METTL2B: variants seen among roughly 807,000 people sequenced by gnomAD.
METTL2B encodes methyltransferase 2B, tRNA N3-cytidine.
METTL2B carries 28 observed loss-of-function variants against 51.0 expected under a neutral mutation model. The ratio of observed to expected loss-of-function variants is 0.55; its 90% CI spans 0.41 to 0.75. The LOEUF is 0.75. Ranked by LOEUF, METTL2B falls within the 30% of genes least tolerant of loss-of-function variation. The pLI, the probability that METTL2B is intolerant of heterozygous loss-of-function variation, is 0.00. For synonymous variants in METTL2B, 128 were observed against 166.3 expected, an observed-to-expected ratio of 0.77 and a Z score of 1.77; for missense variants, 313 against 460.7, an observed-to-expected ratio of 0.68 and a Z score of 2.93.
At chr7:128,477,856 C>G (rs767579730) in intron 2 of METTL2B, 9 of 365,526 alleles carry the variant, frequency 2.5e-5, no homozygotes, top group Non-Finnish European at 5.2e-5. Context: ...ACAAAACATT[C>G]ACCCTGCATA....
At chr7:128,489,445 A>G (rs1276286629) in intron 5 of METTL2B, among the ~76,000 whole-genome samples, 4 of 151,828 alleles carry the variant, frequency 2.6e-5, no homozygotes, top group African/African-American at 9.7e-5. Context: ...CAAAAAAAAA[A>G]AAGGGAGAAA....
rs367839870 is a variant in METTL2B, at chr7:128,476,755, G to A, written c.-11G>A. 200 of 1,613,126 alleles carry A rather than the reference G, an allele frequency of 1.2e-4. No individual in the cohort carries two copies. Among genetic ancestry groups the A allele is most frequent in the Non-Finnish European group, 1.6e-4 (189 of 1,179,612 alleles). On this transcript the variant is annotated 5_prime_UTR_variant, in exon 1 of 9. Transcript: ENST00000262432. ...CGTTACGGAAAGTGAAGTGTTTCCG[G>A]CTCCGGTGTCATGGCCGGCTCCTAC...
At chr7:128,477,704 GCCC>G (rs1009633546) in intron 2 of METTL2B, among the ~76,000 whole-genome samples, 11 of 151,628 alleles carry the variant, frequency 7.3e-5, no homozygotes, top group African/African-American at 2.7e-4. Flanking sequence ...AGAAAAGGAG[GCCC>G]CTGCTTGAGA....
At chr7:128,497,999 G>A (rs1275362400) in intron 6 of METTL2B, 37 bp from the exon 7 acceptor site, 20 of 1,607,778 alleles carry the variant, frequency 1.2e-5, no homozygotes, top group Non-Finnish European at 1.7e-5. Context: ...TGTCTTTAAG[G>A]AGACCTGATT....
At chr7:128,485,817 T>A (rs1268483947) in intron 4 of METTL2B, among the ~76,000 whole-genome samples, 1 of 152,010 alleles carries the variant, frequency 6.6e-6, no homozygotes, top group Non-Finnish European at 1.5e-5. Context: ...GTCTCAAAAA[T>A]CAATAAAACA....
chr7:128,492,361 T>A (rs1385795167), intron 5 of METTL2B, among the ~76,000 whole-genome samples: 1 of 152,040 alleles, frequency 6.6e-6, no homozygotes, highest in Non-Finnish European at 1.5e-5. Context: ...TTTCACCATG[T>A]TGGCCAGGCT....
chr7:128,485,672 A>AG (rs1792688987), intron 4 of METTL2B, among the ~76,000 whole-genome samples: 1 of 151,284 alleles, frequency 6.6e-6, no homozygotes, highest in African/African-American at 2.4e-5. Flanking sequence ...TCTCAAAAAA[A>AG]AAAAAAAAAA....
Position 128,477,107 on chromosome 7 carries a change from C to T in METTL2B, c.136C>T (p.Gln46Ter). The T allele has an allele frequency of 2.5e-6, 4 of 1,614,076 alleles. No individual in the cohort carries two copies. Among genetic ancestry groups the T allele is most frequent in the Non-Finnish European group, 3.4e-6 (4 of 1,179,986 alleles). ...AWDNVEWSEE[Q>*]AAAAERKVQE... The stretch of plus-strand genomic sequence containing the variant: ...GGACAATGTGGAGTGGTCGGAAGAG[C>T]AAGCCGCGGCGGCGGAGAGAAAAGT... The change falls in exon 2 of 9, where the codon CAA becomes TAA. Residue 46 changes from glutamine (Q) to a stop codon, truncating the protein, a stop_gained. Coordinates refer to ENST00000262432, the MANE Select transcript of METTL2B (RefSeq NM_018396.3). LOFTEE classifies it high-confidence loss of function.
intron 1 of METTL2B, 83 bp downstream of exon 1, chr7:128,476,958 C>T (rs549644079): frequency 3.6e-5 from 57 of 1,592,552 alleles, no homozygotes; most frequent in Non-Finnish European, 4.8e-5. Flanking sequence ...CCCTGACCGC[C>T]GGCCACGAGT....
chr7:128,501,959 G>T lies in METTL2B; in HGVS notation c.*43G>T, dbSNP rs770634243. The T allele has an allele frequency of 6.2e-7, 1 of 1,605,322 alleles. No individual in the cohort carries two copies. Among genetic ancestry groups the T allele is most frequent in the Non-Finnish European group, 8.5e-7 (1 of 1,174,738 alleles). ...CACGATGCAAGCCCGTTGTGTTTCCGAGCTTTTTTAAAAAAAAATTTGTAG... is the reference window on the plus strand; with the variant it reads ...CACGATGCAAGCCCGTTGTGTTTCCTAGCTTTTTTAAAAAAAAATTTGTAG... On this transcript the variant is annotated 3_prime_UTR_variant, in exon 9 of 9. Transcript: ENST00000262432.
intron 6 of METTL2B, among the ~76,000 whole-genome samples, chr7:128,495,655 G>A (rs931584900): frequency 6.6e-6 from 1 of 152,140 alleles, no homozygotes; most frequent in African/African-American, 2.4e-5. Context: ...GTTTCACCAT[G>A]TTGGCCAGGC....
intron 7 of METTL2B, 29 bp from the exon 8 acceptor site, chr7:128,500,874 T>C: frequency 6.2e-7 from 1 of 1,611,588 alleles, no homozygotes; most frequent in East Asian, 2.2e-5. Flanking sequence ...CTTTAAAGTG[T>C]CTCTGATTTT....
chr7:128,489,390 C>T lies in METTL2B; in HGVS notation c.669+1229C>T, dbSNP rs189849194. On this transcript the variant is annotated intron_variant, in intron 5 of 8. Coordinates refer to ENST00000262432, the MANE Select transcript of METTL2B (RefSeq NM_018396.3). ...GGCAAAGGTTGCAGTGAGCCAAGATCGTGCCACTGCACTCCAGTCTGGGTG... is the reference window on the plus strand; with the variant it reads ...GGCAAAGGTTGCAGTGAGCCAAGATTGTGCCACTGCACTCCAGTCTGGGTG... Among the ~76,000 whole-genome samples the T allele has an allele frequency of 2.3e-3, 349 of 150,292 alleles. 1 individual carries two copies. Among genetic ancestry groups the T allele is most frequent in the African/African-American group, 8.1e-3 (331 of 40,852 alleles).
chr7:128,494,808 A>G (rs999228681), intron 6 of METTL2B, among the ~76,000 whole-genome samples: 1 of 131,574 alleles, frequency 7.6e-6, no homozygotes, highest in African/African-American at 2.9e-5. Context: ...TTGTATTTTT[A>G]GTAGATACGG....
intron 5 of METTL2B, among the ~76,000 whole-genome samples, chr7:128,490,241 T>TGAAAGAAA (rs527471572): frequency 1.3e-5 from 2 of 151,720 alleles, no homozygotes; most frequent in African/African-American, 4.8e-5. Context: ...GGATGCTGGT[T>TGAAAGAAA]GAAAGAAAGA....
chr7:128,490,633 A>G (rs1792811892), intron 5 of METTL2B, among the ~76,000 whole-genome samples: 1 of 151,880 alleles, frequency 6.6e-6, no homozygotes, highest in South Asian at 2.1e-4. Flanking sequence ...AGTATTTCCT[A>G]GTTTTGCACG....
intron 1 of METTL2B, 96 bp downstream of exon 1, chr7:128,476,971 A>G (rs931722838): frequency 1.1e-4 from 168 of 1,589,758 alleles, no homozygotes; most frequent in Non-Finnish European, 1.4e-4. Context: ...CCACGAGTCA[A>G]GCTGCCCTAC....
chr7:128,498,113 A>G lies in METTL2B; in HGVS notation c.887A>G (p.Tyr296Cys), dbSNP rs1346339708. The stretch of plus-strand genomic sequence containing the variant: ...GTACTTCTGCGAGATTACGGCCGCT[A>G]TGACATGGCTCAGCTTCGGTTTAAA... ...GMVLLRDYGR[Y>C]DMAQLRFKKG... The change falls in exon 7 of 9, where the codon TAT becomes TGT. Residue 296 changes from tyrosine to cysteine, a missense_variant. By Grantham distance (194) the Tyr-to-Cys change is radical (BLOSUM62 -2). Coordinates refer to ENST00000262432, the MANE Select transcript of METTL2B (RefSeq NM_018396.3). The G allele has an allele frequency of 3.1e-6, 5 of 1,613,838 alleles. No individual in the cohort carries two copies. The highest frequency in any genetic ancestry group is 1.7e-5 in the Admixed American group (1 of 59,986).
chr7:128,480,003 T>A lies in METTL2B; in HGVS notation c.558+490T>A, dbSNP rs570840811. On this transcript the variant is annotated intron_variant, in intron 3 of 8. Transcript: ENST00000262432. ...TCTAGACCTGGAAAAATGTCTAGAT[T>A]GGTATAATGTAAATTCATAAATGGG... Among the ~76,000 whole-genome samples the A allele has an allele frequency of 7.2e-5, 11 of 152,306 alleles. No individual in the cohort carries two copies. In the East Asian group the frequency reaches 1.7e-3, roughly 24 times the overall value.
Sources: gnomAD v4.1 joint callset for allele counts (sites outside exome capture counted in the v4.1 genomes callset) on GRCh38, gnomAD v4.1.1 for gene constraint, MANE v1.5 for transcripts, NCBI Gene and HGNC (gene_info 2026-07-23, HGNC 2026-07-21) for gene names.